Variants in BMP6 observed in about 807,000 individuals in gnomAD.
BMP6 encodes the protein bone morphogenetic protein 6, also known as VG-1-R.
BMP6 carries 17 observed loss-of-function variants against 54.1 expected under a neutral mutation model. The observed-to-expected ratio is 0.31, with a 90% confidence interval of 0.22 to 0.47. The LOEUF is 0.47. Among genes scored for constraint, BMP6 ranks in the 20% least tolerant of loss-of-function variants. BMP6 has a pLI of 1.00. For missense variants in BMP6, 720 were observed against 690.4 expected (o/e 1.04, Z -0.48); for synonymous variants, 328 against 291.2 (o/e 1.13, Z -1.28).
chr6:7,866,548 C>T (rs558313962), intron 4 of BMP6, among the ~76,000 whole-genome samples: 1 of 152,348 alleles, frequency 6.6e-6, no homozygotes, highest in South Asian at 2.1e-4. Context: ...TCTAAATTTT[C>T]ATTTGGCTAA....
intron 1 of BMP6, among the ~76,000 whole-genome samples, chr6:7,817,998 A>T (rs941172013): frequency 2.0e-5 from 3 of 152,224 alleles, no homozygotes; most frequent in African/African-American, 7.2e-5. Flanking sequence ...ATCAGGTCAC[A>T]CATTTTTTAA....
intron 1 of BMP6, among the ~76,000 whole-genome samples, chr6:7,735,663 T>G (rs775281401): frequency 6.6e-6 from 1 of 152,170 alleles, no homozygotes; most frequent in Non-Finnish European, 1.5e-5. Flanking sequence ...AGGTACCCCC[T>G]GCCCCACAGG....
chr6:7,805,885 G>A (rs1758340257), intron 1 of BMP6, among the ~76,000 whole-genome samples: 1 of 152,168 alleles, frequency 6.6e-6, no homozygotes, highest in South Asian at 2.1e-4. Context: ...CACAGTAAGC[G>A]AGGTCATCAT....
intron 1 of BMP6, among the ~76,000 whole-genome samples, chr6:7,830,923 A>G (rs372652856): frequency 5.3e-5 from 8 of 152,220 alleles, no homozygotes; most frequent in Non-Finnish European, 1.0e-4. Flanking sequence ...AAACCTTATC[A>G]AAGAGGAAGA....
chr6:7,813,757 A>G (rs938096595), intron 1 of BMP6, among the ~76,000 whole-genome samples: 1 of 151,348 alleles, frequency 6.6e-6, no homozygotes, highest in African/African-American at 2.4e-5. Context: ...ATTTATCTTT[A>G]TAATTCCCTT....
At chr6:7,848,804 A>C (rs1180430119) in intron 2 of BMP6, among the ~76,000 whole-genome samples, 2 of 152,206 alleles carry the variant, frequency 1.3e-5, no homozygotes, top group Non-Finnish European at 2.9e-5. Context: ...TGGTGTTTAA[A>C]AGATGACTTT....
chr6:7,848,360 C>CT, intron 2 of BMP6, among the ~76,000 whole-genome samples: 1 of 152,272 alleles, frequency 6.6e-6, no homozygotes, highest in East Asian at 1.9e-4. Context: ...AGCTAAAGAA[C>CT]TTGTCTTTGA....
chr6:7,782,104 CA>C (rs746852342), intron 1 of BMP6, among the ~76,000 whole-genome samples: 2 of 151,106 alleles, frequency 1.3e-5, no homozygotes, highest in Non-Finnish European at 3.0e-5. Flanking sequence ...GAGAGAGATT[CA>C]GGGGGCAAAC....
At chr6:7,799,118 G>C (rs1758233995) in intron 1 of BMP6, among the ~76,000 whole-genome samples, 1 of 152,204 alleles carries the variant, frequency 6.6e-6, no homozygotes, top group African/African-American at 2.4e-5. Flanking sequence ...CGAATTCCAA[G>C]GTTTTGGATG....
chr6:7,835,191 C>T (rs936387129), intron 1 of BMP6, among the ~76,000 whole-genome samples: 6 of 152,306 alleles, frequency 3.9e-5, no homozygotes, highest in Non-Finnish European at 7.3e-5. Context: ...GGCACCATCT[C>T]GGCTCACTGC....
chr6:7,778,274 T>C (rs554253907), intron 1 of BMP6, among the ~76,000 whole-genome samples: 2 of 152,312 alleles, frequency 1.3e-5, no homozygotes, highest in East Asian at 3.9e-4. Context: ...TTAAAACAAA[T>C]ATTACTAACA....
intron 1 of BMP6, among the ~76,000 whole-genome samples, chr6:7,811,518 A>C (rs1758435746): frequency 6.6e-6 from 1 of 152,180 alleles, no homozygotes; most frequent in Non-Finnish European, 1.5e-5. Flanking sequence ...GTTCCCGGAG[A>C]AAAGCATTTT....
At chr6:7,847,274 A>C (rs1374782660) in intron 2 of BMP6, among the ~76,000 whole-genome samples, 6 of 152,196 alleles carry the variant, frequency 3.9e-5, no homozygotes, top group Non-Finnish European at 7.4e-5. Flanking sequence ...GTTGTTGTGC[A>C]TAGGAAAGGG....
intron 1 of BMP6, among the ~76,000 whole-genome samples, chr6:7,788,032 T>A (rs116523839): frequency 6.6e-6 from 1 of 152,278 alleles, no homozygotes; most frequent in Admixed American, 6.5e-5. Flanking sequence ...TCACACCACA[T>A]GTAATAAATG....
intron 1 of BMP6, among the ~76,000 whole-genome samples, chr6:7,787,141 G>A (rs897399789): frequency 3.3e-5 from 5 of 152,226 alleles, no homozygotes; most frequent in African/African-American, 1.2e-4. Context: ...ATCAGGGAGG[G>A]AACAGAAGTA....
chr6:7,827,320 T>G (rs1758712841), intron 1 of BMP6, among the ~76,000 whole-genome samples: 1 of 152,164 alleles, frequency 6.6e-6, no homozygotes. Context: ...TCAAGTAACT[T>G]TATACTGAGA....
At chr6:7,754,524 C>T (rs1391416166) in intron 1 of BMP6, among the ~76,000 whole-genome samples, 3 of 152,274 alleles carry the variant, frequency 2.0e-5, no homozygotes, top group East Asian at 3.9e-4. Context: ...TATTTTTCCC[C>T]TTCCTGTGTT....
chr6:7,810,364 G>C (rs2113209900), intron 1 of BMP6, among the ~76,000 whole-genome samples: 1 of 152,334 alleles, frequency 6.6e-6, no homozygotes. Context: ...ATTTGCAAAA[G>C]AGCTCACTGA....
chr6:7,836,979 T>C (rs898171902), intron 1 of BMP6, among the ~76,000 whole-genome samples: 1 of 152,190 alleles, frequency 6.6e-6, no homozygotes, highest in South Asian at 2.1e-4. Context: ...GGAATGACCA[T>C]GTTTCAAAAA....
Sources: allele counts gnomAD v4.1 joint callset (sites outside exome capture counted in the v4.1 genomes callset), GRCh38; gene constraint gnomAD v4.1.1; transcripts MANE v1.5; gene names NCBI Gene and HGNC (gene_info 2026-07-23, HGNC 2026-07-21).